Variants in CADPS2 observed in about 807,000 individuals in gnomAD.
CADPS2 encodes calcium dependent secretion activator 2, also known as calcium-dependent secretion activator 2.
In CADPS2, 93 loss-of-function variants were observed where a neutral mutation model predicts 172.5. The ratio of observed to expected loss-of-function variants is 0.54; its 90% CI spans 0.46 to 0.64. CADPS2 has a LOEUF of 0.64. CADPS2 is among the 30% of genes least tolerant of loss of function. CADPS2 has a pLI of 0.00. For missense variants in CADPS2, 1,420 were observed against 1,565.9 expected (o/e 0.91, Z 1.57); for synonymous variants, 546 against 555.2 (o/e 0.98, Z 0.23).
chr7:122,451,544 G>A (rs1035833606), intron 14 of CADPS2, 69 bp from the exon 15 acceptor site: 3 of 850,116 alleles, frequency 3.5e-6, no homozygotes, highest in Admixed American at 3.3e-5. Flanking sequence ...TTATACATAT[G>A]TATATTTAAA....
chr7:122,329,706 C>T (rs2034576954), intron 28 of CADPS2, among the ~76,000 whole-genome samples: 1 of 152,140 alleles, frequency 6.6e-6, no homozygotes, highest in Non-Finnish European at 1.5e-5. Context: ...ACAAGCACTT[C>T]ACCTTTATTT....
At chr7:122,578,874 C>T (rs909171587) in intron 7 of CADPS2, among the ~76,000 whole-genome samples, 1 of 151,922 alleles carries the variant, frequency 6.6e-6, no homozygotes, top group African/African-American at 2.4e-5. Flanking sequence ...GGATTCAGAA[C>T]AAATACAGAA....
At chr7:122,352,641 C>T (rs961587472) in intron 27 of CADPS2, among the ~76,000 whole-genome samples, 1 of 152,168 alleles carries the variant, frequency 6.6e-6, no homozygotes, top group African/African-American at 2.4e-5. Context: ...TGAATATGCC[C>T]CTGTGGGCAA....
chr7:122,683,296 G>C (rs1427777766), intron 2 of CADPS2, among the ~76,000 whole-genome samples: 2 of 152,112 alleles, frequency 1.3e-5, no homozygotes, highest in African/African-American at 4.8e-5. Context: ...ATGCTCAGCA[G>C]CTTATGTGTT....
intron 1 of CADPS2, among the ~76,000 whole-genome samples, chr7:122,777,651 C>T (rs115177945): frequency 0.016 from 2,450 of 152,128 alleles, 63 homozygotes; most frequent in African/African-American, 0.056. Context: ...TGATAGTGAG[C>T]GAGTTCTCAT....
In CADPS2 at chr7:122,491,290, A is replaced by G. The variant is rs532816121; in HGVS notation, c.1651+22T>C. 6.0e-6 allele frequency: 9 copies of G among 1,490,782 alleles called. No homozygotes were observed. In the South Asian group the frequency reaches 1.1e-4, roughly 18 times the overall value. 92.3% of individuals were successfully genotyped at this position (1,490,782 alleles called of 1,614,324 possible). On this transcript the variant is annotated intron_variant, in intron 10 of 29. Coordinates refer to ENST00000449022, the MANE Select transcript of CADPS2 (RefSeq NM_017954.11). Reference sequence around the variant, plus strand: ...TCCATGCATACATACATGGCAGGAAAAGTGATTCAATTAAGATTTACCTGG... The same window carrying G: ...TCCATGCATACATACATGGCAGGAAGAGTGATTCAATTAAGATTTACCTGG...
intron 6 of CADPS2, among the ~76,000 whole-genome samples, chr7:122,605,097 C>G (rs1001831096): frequency 6.6e-6 from 1 of 151,918 alleles, no homozygotes; most frequent in South Asian, 2.1e-4. Context: ...CATATTTAAA[C>G]ATAGAAAAGG....
intron 28 of CADPS2, among the ~76,000 whole-genome samples, chr7:122,327,298 G>T (rs2034062860): frequency 6.6e-6 from 1 of 152,026 alleles, no homozygotes; most frequent in Non-Finnish European, 1.5e-5. Flanking sequence ...TCACTCACAA[G>T]TATTGGTGAT....
Position 122,387,117 on chromosome 7 carries a change from C to A in CADPS2, c.3221G>T (p.Arg1074Leu), listed in dbSNP as rs181462771. 1.9e-6 allele frequency: 3 copies of A among 1,574,388 alleles called. No individual in the cohort carries two copies. Among genetic ancestry groups the A allele is most frequent in the African/African-American group, 1.3e-5 (1 of 74,184 alleles). ...LQKASKTTDL[R>L]IPASVCTMFN... ...CATAGTGCAAACGGAAGCTGGAATGCGCAAGTCAGTTGTTTTGCTTGCCTT... is the reference window on the plus strand; with the variant it reads ...CATAGTGCAAACGGAAGCTGGAATGAGCAAGTCAGTTGTTTTGCTTGCCTT... Residue 1074 changes from arginine (R) to leucine (L), a missense_variant, in exon 24 of 30, where the codon CGC becomes CTC. Physicochemically the swap from Arg to Leu is moderately radical, Grantham distance 102. Coordinates refer to ENST00000449022, the MANE Select transcript of CADPS2 (RefSeq NM_017954.11).
intron 1 of CADPS2, among the ~76,000 whole-genome samples, chr7:122,798,583 G>A (rs1022813699): frequency 1.8e-4 from 27 of 152,022 alleles, no homozygotes; most frequent in African/African-American, 6.5e-4. Context: ...TAATATTACA[G>A]GGAAATCTTT....
At chr7:122,693,033 G>A (rs1302549613) in intron 2 of CADPS2, among the ~76,000 whole-genome samples, 1 of 152,178 alleles carries the variant, frequency 6.6e-6, no homozygotes, top group Admixed American at 6.5e-5. Context: ...ATAACAGGTG[G>A]AGTTATACGC....
chr7:122,644,033 G>A (rs1218532304), intron 3 of CADPS2, among the ~76,000 whole-genome samples: 1 of 152,044 alleles, frequency 6.6e-6, no homozygotes, highest in Non-Finnish European at 1.5e-5. Context: ...TGGCGCCACT[G>A]CACTCCAGCC....
intron 1 of CADPS2, among the ~76,000 whole-genome samples, chr7:122,846,006 T>C (rs1395052818): frequency 6.6e-6 from 1 of 152,224 alleles, no homozygotes; most frequent in African/African-American, 2.4e-5. Context: ...CTATGTATTC[T>C]AAAAATTAAG....
intron 8 of CADPS2, among the ~76,000 whole-genome samples, chr7:122,546,288 G>A (rs895844271): frequency 6.6e-5 from 10 of 152,110 alleles, no homozygotes; most frequent in South Asian, 2.1e-4. Context: ...GGCTGTGGCC[G>A]TGATATTATA....
intron 1 of CADPS2, among the ~76,000 whole-genome samples, chr7:122,880,989 C>T (rs1379799821): frequency 3.3e-5 from 5 of 152,154 alleles, no homozygotes; most frequent in Non-Finnish European, 5.9e-5. Context: ...TCACAAAGGT[C>T]TCAATTAATT....
At chr7:122,715,204 G>C (rs2089413768) in intron 2 of CADPS2, among the ~76,000 whole-genome samples, 1 of 151,992 alleles carries the variant, frequency 6.6e-6, no homozygotes, top group African/African-American at 2.4e-5. Context: ...CATTGTTCAG[G>C]GATTGTCTGA....
At chr7:122,632,408 G>T (rs1563911674) in intron 3 of CADPS2, among the ~76,000 whole-genome samples, 1 of 152,146 alleles carries the variant, frequency 6.6e-6, no homozygotes, top group Non-Finnish European at 1.5e-5. Flanking sequence ...TCTGACTGCT[G>T]TGAGATGGTA....
chr7:122,325,549 G>A lies in CADPS2; in HGVS notation c.3645C>T (p.Cys1215=), dbSNP rs758250122. Residue 1215 remains cysteine (C), a synonymous_variant, in exon 29 of 30, where the codon TGC becomes TGT. Coordinates refer to ENST00000449022, the MANE Select transcript of CADPS2 (RefSeq NM_017954.11). The part of the protein sequence containing the change: ...QWYSSSMKVI[C]VWLTDRLDLQ... ...GGTCTAATCTATCAGTCAACCACAC[G>A]CAAATGACTTTCATGGAACTGCTGT... 36 of 1,610,848 alleles carry A rather than the reference G, an allele frequency of 2.2e-5. No homozygotes were observed. In the Admixed American group the frequency reaches 2.8e-4, roughly 13 times the overall value.
chr7:122,638,874 C>T (rs2077325984), intron 3 of CADPS2, among the ~76,000 whole-genome samples: 1 of 152,206 alleles, frequency 6.6e-6, no homozygotes, highest in Non-Finnish European at 1.5e-5. Context: ...GACGTGGTTT[C>T]TTAGATGATC....
Sources: allele counts gnomAD v4.1 joint callset (sites outside exome capture counted in the v4.1 genomes callset), GRCh38; gene constraint gnomAD v4.1.1; transcripts MANE v1.5; gene names NCBI Gene and HGNC (gene_info 2026-07-23, HGNC 2026-07-21).